GLIS3: variants seen among roughly 807,000 people sequenced by gnomAD.
GLIS3 encodes GLIS family zinc finger 3.
GLIS3 carries 53 observed loss-of-function variants against 78.6 expected under a neutral mutation model. The observed-to-expected ratio is 0.67, with a 90% CI of 0.54 to 0.85. The LOEUF is 0.85. Among genes scored for constraint, GLIS3 ranks in the 40% least tolerant of loss-of-function variants. The probability of loss-of-function intolerance (pLI) is 0.00; values close to 1 mark genes in which losing one functional copy is unlikely to be tolerated. For synonymous variants in GLIS3, 684 were observed against 509.9 expected, an observed-to-expected ratio of 1.34 and a Z score of -4.60; for missense variants, 1,703 against 1,231.1, an observed-to-expected ratio of 1.38 and a Z score of -5.74.
chr9:4,452,557 C>T, the GLIS3 span, among the ~76,000 whole-genome samples: 1 of 152,122 alleles, frequency 6.6e-6, no homozygotes, highest in East Asian at 1.9e-4. Context: ...CATGAGTTAC[C>T]TTCCATTCAC....
intron 4 of GLIS3, among the ~76,000 whole-genome samples, chr9:4,307,851 A>G (rs1295237334): frequency 6.6e-6 from 1 of 152,206 alleles, no homozygotes; most frequent in South Asian, 2.1e-4. Context: ...AAAGGCACAC[A>G]GCCCTGCCAC....
chr9:4,461,939 T>A, the GLIS3 span, among the ~76,000 whole-genome samples: 1 of 152,220 alleles, frequency 6.6e-6, no homozygotes, highest in Non-Finnish European at 1.5e-5. Context: ...GTAGATTGTT[T>A]TACATATTAT....
intron 4 of GLIS3, among the ~76,000 whole-genome samples, chr9:4,082,855 G>A (rs1828677467): frequency 6.6e-6 from 1 of 152,188 alleles, no homozygotes; most frequent in African/African-American, 2.4e-5. Flanking sequence ...TTAAGATGGA[G>A]TTTGTACCAT....
At chr9:4,297,835 G>C (rs1816691726) in intron 1 of GLIS3, among the ~76,000 whole-genome samples, 1 of 152,194 alleles carries the variant, frequency 6.6e-6, no homozygotes. Flanking sequence ...GGTGCCGGGA[G>C]CGGGGGAGAG....
intron 4 of GLIS3, among the ~76,000 whole-genome samples, chr9:4,032,648 T>C (rs542796866): frequency 6.6e-6 from 1 of 152,242 alleles, no homozygotes; most frequent in South Asian, 2.1e-4. Flanking sequence ...GACAAAGGAA[T>C]AAAGCACTTC....
intron 9 of GLIS3, among the ~76,000 whole-genome samples, chr9:3,852,688 G>C (rs1055319907): frequency 3.3e-5 from 5 of 152,174 alleles, no homozygotes; most frequent in Non-Finnish European, 5.9e-5. Flanking sequence ...AAAATGCTTG[G>C]AGAAGGAAGT....
intron 8 of GLIS3, among the ~76,000 whole-genome samples, chr9:3,871,363 G>C (rs1820957499): frequency 6.6e-6 from 1 of 152,174 alleles, no homozygotes; most frequent in South Asian, 2.1e-4. Flanking sequence ...AGCTCCACTA[G>C]ACAGTGTCCC....
At chr9:4,024,041 A>G (rs28735743) in intron 4 of GLIS3, among the ~76,000 whole-genome samples, 3 of 152,002 alleles carry the variant, frequency 2.0e-5, no homozygotes, top group African/African-American at 7.3e-5. Context: ...AAAACAAAAA[A>G]AAAAATACAG....
At chr9:4,400,454 G>T in the GLIS3 span, among the ~76,000 whole-genome samples, 1 of 152,128 alleles carries the variant, frequency 6.6e-6, no homozygotes, top group Non-Finnish European at 1.5e-5. Flanking sequence ...TGAGACATGA[G>T]TTATGTGACA....
intron 4 of GLIS3, among the ~76,000 whole-genome samples, chr9:3,998,396 A>G (rs1035157529): frequency 5.9e-5 from 9 of 152,150 alleles, no homozygotes; most frequent in African/African-American, 2.2e-4. Context: ...AATATATCAC[A>G]GAGTTTTTCT....
intron 1 of GLIS3, among the ~76,000 whole-genome samples, chr9:4,297,914 G>A (rs1394025846): frequency 2.6e-5 from 4 of 152,022 alleles, no homozygotes; most frequent in Non-Finnish European, 4.4e-5. Context: ...CGCTGCCGGG[G>A]TCGGAGATTC....
intron 4 of GLIS3, among the ~76,000 whole-genome samples, chr9:4,031,533 G>A (rs192029168): frequency 8.1e-4 from 124 of 152,324 alleles, no homozygotes; most frequent in African/African-American, 2.4e-3. Context: ...ATCTTAGGGC[G>A]ATGATAATGT....
At chr9:3,940,112 C>T (rs1321672329) in intron 4 of GLIS3, among the ~76,000 whole-genome samples, 1 of 152,188 alleles carries the variant, frequency 6.6e-6, no homozygotes, top group Non-Finnish European at 1.5e-5. Flanking sequence ...ACAAGAATTT[C>T]CCCTCCCTCA....
the GLIS3 span, among the ~76,000 whole-genome samples, chr9:4,372,465 AC>A: frequency 3.1e-4 from 47 of 151,602 alleles, no homozygotes; most frequent in Non-Finnish European, 6.0e-4. Context: ...ATGCAAACCA[AC>A]CAGTCCAGAG....
At chr9:3,976,543 A>C (rs1279589371) in intron 4 of GLIS3, among the ~76,000 whole-genome samples, 1 of 151,860 alleles carries the variant, frequency 6.6e-6, no homozygotes, top group Non-Finnish European at 1.5e-5. Context: ...ATGAGTAGGA[A>C]AAGGACTCTT....
chr9:4,323,496 T>G (rs1189058293), intron 2 of GLIS3, among the ~76,000 whole-genome samples: 1 of 152,208 alleles, frequency 6.6e-6, no homozygotes, highest in Admixed American at 6.5e-5. Context: ...TGTGTAATAT[T>G]CCATTATGTG....
intron 4 of GLIS3, among the ~76,000 whole-genome samples, chr9:4,008,666 T>C (rs1458420114): frequency 2.0e-5 from 3 of 152,162 alleles, no homozygotes; most frequent in Non-Finnish European, 2.9e-5. Context: ...ACAAAGTACA[T>C]GCCCCATGTG....
chr9:4,220,643 A>G (rs554911340), intron 2 of GLIS3, among the ~76,000 whole-genome samples: 4 of 152,272 alleles, frequency 2.6e-5, no homozygotes, highest in African/African-American at 9.6e-5. Flanking sequence ...CTGGAGTCCC[A>G]GCGACTCAGG....
chr9:3,893,109 C>T (rs1013575017), intron 7 of GLIS3, among the ~76,000 whole-genome samples: 6 of 152,170 alleles, frequency 3.9e-5, no homozygotes, highest in South Asian at 4.1e-4. Flanking sequence ...CTCTACCTTC[C>T]GATAGGAGAA....
Sources: allele counts gnomAD v4.1 joint callset (sites outside exome capture counted in the v4.1 genomes callset), GRCh38; gene constraint gnomAD v4.1.1; transcripts MANE v1.5; gene names NCBI Gene and HGNC (gene_info 2026-07-23, HGNC 2026-07-21).